Variants in EMX1 observed in about 807,000 individuals in gnomAD.
EMX1 encodes the protein empty spiracles homeobox 1.
EMX1 carries 10 observed loss-of-function variants against 20.1 expected under a neutral mutation model. The observed-to-expected ratio is 0.50, with a 90% CI of 0.31 to 0.84. The LOEUF is 0.84. EMX1 is among the 40% of genes least tolerant of loss of function. The probability of loss-of-function intolerance (pLI) is 0.05; values close to 1 mark genes in which losing one functional copy is unlikely to be tolerated. For synonymous variants in EMX1, 250 were observed against 200.4 expected (o/e 1.25, Z -2.09); for missense variants, 424 against 431.9 (o/e 0.98, Z 0.16).
chr2:72,919,185 A>G, intron 1 of EMX1, among the ~76,000 whole-genome samples: 2 of 148,046 alleles, frequency 1.4e-5, no homozygotes, highest in East Asian at 4.2e-4. Context: ...GGCCCTACAC[A>G]CACACACACA....
In EMX1 at chr2:72,918,241, T is replaced by A. The variant is rs1296919936; in HGVS notation, c.389T>A (p.Val130Glu). Residue 130 changes from valine (V) to glutamate (E), a missense_variant, in exon 1 of 3, where the codon GTG becomes GAG. By Grantham distance (121) the Val-to-Glu change is moderately radical (BLOSUM62 -2). Around this residue, in one of 2 missense-constraint regions of EMX1, gnomAD observed 333 missense variants for 296.6 expected, o/e 1.12. Coordinates refer to ENST00000258106, the MANE Select transcript of EMX1 (RefSeq NM_004097.3). Reference sequence around the variant, plus strand: ...GCCATGAACCACCCCGCGCTGACCGTGCATCCGGCGCACCAGCTGGGCGCC... The same window carrying A: ...GCCATGAACCACCCCGCGCTGACCGAGCATCCGGCGCACCAGCTGGGCGCC... Reference protein sequence around the residue: ...PEAMNHPALTVHPAHQLGASP... With the variant: ...PEAMNHPALTEHPAHQLGASP... The A allele has an allele frequency of 3.8e-6, 6 of 1,581,522 alleles. No homozygotes were observed. Among genetic ancestry groups the A allele is most frequent in the Non-Finnish European group, 5.1e-6 (6 of 1,173,972 alleles).
rs1280698030 is a variant in EMX1, at chr2:72,934,167, G to A, written c.*213G>A. On this transcript the variant is annotated 3_prime_UTR_variant, in exon 3 of 3. Transcript: ENST00000258106. Reference sequence around the variant, plus strand: ...GGGACCACTTGGCCTTCTCCTCGGAGAGCCTGCCTGCCTGGGCGGGCCCGC... The same window carrying A: ...GGGACCACTTGGCCTTCTCCTCGGAAAGCCTGCCTGCCTGGGCGGGCCCGC... 3 of 660,184 alleles carry A rather than the reference G, an allele frequency of 4.5e-6. No homozygotes were observed. Among genetic ancestry groups the A allele is most frequent in the Admixed American group, 3.4e-5 (1 of 29,438 alleles). 40.9% of individuals were successfully genotyped at this position (660,184 alleles called of 1,614,324 possible).
At position 72,934,281 on chromosome 2, in the gene EMX1, C is replaced by A; in HGVS notation, c.*327C>A. The A allele has an allele frequency of 3.5e-6, 1 of 288,322 alleles. No homozygotes were observed. Among genetic ancestry groups the A allele is most frequent in the South Asian group, 5.4e-5 (1 of 18,558 alleles). 17.9% of individuals were successfully genotyped at this position (288,322 alleles called of 1,614,324 possible). A position where few individuals can be genotyped will look rare whatever the true frequency, so the allele number is the denominator to read the frequency against. ...CTGTTTTAATTTATTTTCCAGGCAC[C>A]ACTGTAGTTTAGTGATCCCCAGTGT... On this transcript the variant is annotated 3_prime_UTR_variant, in exon 3 of 3. Coordinates refer to ENST00000258106, the MANE Select transcript of EMX1 (RefSeq NM_004097.3).
intron 1 of EMX1, 71 bp downstream of exon 1, chr2:72,918,443 G>C (rs565656478): frequency 8.2e-6 from 11 of 1,348,562 alleles, no homozygotes; most frequent in African/African-American, 1.5e-5. Context: ...GGGGAGGCTC[G>C]GGGGCGCGCG....
intron 2 of EMX1, 84 bp from the exon 3 acceptor site, chr2:72,933,703 A>G: frequency 1.3e-6 from 2 of 1,531,034 alleles, no homozygotes; most frequent in Non-Finnish European, 1.8e-6. Context: ...TCAGGCTCTC[A>G]GCTCAGCCTG....
At chr2:72,921,893 C>T (rs898006349) in intron 1 of EMX1, among the ~76,000 whole-genome samples, 2 of 152,226 alleles carry the variant, frequency 1.3e-5, no homozygotes, top group African/African-American at 4.8e-5. Context: ...CCTTCATCCT[C>T]TCATCTGGGT....
At chr2:72,932,179 C>T (rs1559061985) in intron 2 of EMX1, among the ~76,000 whole-genome samples, 2 of 152,238 alleles carry the variant, frequency 1.3e-5, no homozygotes, top group South Asian at 2.1e-4. Context: ...GGCTACCCAC[C>T]ATTCCTCACC....
chr2:72,927,052 C>T (rs1671217561), intron 2 of EMX1, among the ~76,000 whole-genome samples: 1 of 152,194 alleles, frequency 6.6e-6, no homozygotes, highest in South Asian at 2.1e-4. Context: ...ATCTGTCCCA[C>T]CCCGTAGCTG....
chr2:72,923,950 AC>A, intron 1 of EMX1: 1 of 378,620 alleles, frequency 2.6e-6, no homozygotes, highest in South Asian at 3.1e-5. Flanking sequence ...AGCGCCATGG[AC>A]TTTTCTTCCC....
At chr2:72,918,430 GCGGGGGA>G in intron 1 of EMX1, 58 bp downstream of exon 1, 1 of 1,351,986 alleles carries the variant, frequency 7.4e-7, no homozygotes, top group Non-Finnish European at 9.4e-7. Context: ...CTGCGGCGAT[GCGGGGGA>G]GGCTCGGGGG....
At chr2:72,920,511 G>C (rs1268138838) in intron 1 of EMX1, among the ~76,000 whole-genome samples, 1 of 152,180 alleles carries the variant, frequency 6.6e-6, no homozygotes, top group Non-Finnish European at 1.5e-5. Flanking sequence ...ACGCCCTCCA[G>C]TCCCGGCCAG....
chr2:72,918,187 A>T lies in EMX1; in HGVS notation c.335A>T (p.Tyr112Phe). The change falls in exon 1 of 3, where the codon TAC becomes TTC. Residue 112 changes from tyrosine (Y) to phenylalanine (F), a missense_variant. Physicochemically the swap from Tyr to Phe is conservative, Grantham distance 22 (BLOSUM62 3). Around this residue, in one of 2 missense-constraint regions of EMX1, gnomAD observed 333 missense variants for 296.6 expected, o/e 1.12. Coordinates refer to ENST00000258106, the MANE Select transcript of EMX1 (RefSeq NM_004097.3). ...GCCGCGGGCGCGGGCCGCTCGCTCTACGGTGGGCCCGAGCTCGTGTTCCCC... is the reference window on the plus strand; with the variant it reads ...GCCGCGGGCGCGGGCCGCTCGCTCTTCGGTGGGCCCGAGCTCGTGTTCCCC... ...AAAAGAGRSL[Y>F]GGPELVFPEA... 1 of 1,548,622 alleles carries T rather than the reference A, an allele frequency of 6.5e-7. No homozygotes were observed. The highest frequency in any genetic ancestry group is 8.6e-7 in the Non-Finnish European group (1 of 1,160,844).
intron 2 of EMX1, 42 bp from the exon 3 acceptor site, chr2:72,933,745 C>T (rs1275876654): frequency 6.2e-7 from 1 of 1,606,570 alleles, no homozygotes; most frequent in Non-Finnish European, 8.5e-7. Context: ...GCTCTGGGGG[C>T]CTCCTGAGTT....
rs1338485472 is a variant in EMX1, at chr2:72,924,509, C to T, written c.705+16C>T. 1 of 1,560,624 alleles carries T rather than the reference C, an allele frequency of 6.4e-7. No homozygotes were observed. The highest frequency in any genetic ancestry group is 8.6e-7 in the Non-Finnish European group (1 of 1,158,322). ...CGAGACGCAGGTAATCACCCCCGGT[C>T]GCGGCCTGCCCTGCGCCCGGAGCCC... On this transcript the variant is annotated intron_variant, in intron 2 of 2. Coordinates refer to ENST00000258106, the MANE Select transcript of EMX1 (RefSeq NM_004097.3).
At chr2:72,919,476 C>A (rs1223926139) in intron 1 of EMX1, among the ~76,000 whole-genome samples, 1 of 152,148 alleles carries the variant, frequency 6.6e-6, no homozygotes, top group East Asian at 1.9e-4. Flanking sequence ...ATGAAAGGGA[C>A]ATGGCTGGAG....
At chr2:72,916,843 C>T (rs775784462), upstream of EMX1, 16 of 717,094 alleles carry the variant, frequency 2.2e-5, no homozygotes, top group Non-Finnish European at 4.2e-5. Context: ...AAGCCGGTCG[C>T]GGCACCGTGT....
chr2:72,916,273 C>A (rs1221361501), upstream of EMX1: 1 of 203,560 alleles, frequency 4.9e-6, no homozygotes. Context: ...TTGCGCGGCG[C>A]ACGGACCCCG....
chr2:72,926,342 A>C, intron 2 of EMX1: 1 of 960,180 alleles, frequency 1.0e-6, no homozygotes. Context: ...TTTCAAACAT[A>C]TATTTAAAAC....
rs947208918 is a variant in EMX1 at position 72,933,695 on chromosome 2, A to T, written c.706-92A>T. Reference sequence around the variant, plus strand: ...CCTATGTAGCCTCAGTCTTCCCATCAGGCTCTCAGCTCAGCCTGAGTGTTG... The same window carrying T: ...CCTATGTAGCCTCAGTCTTCCCATCTGGCTCTCAGCTCAGCCTGAGTGTTG... On this transcript the variant is annotated intron_variant, in intron 2 of 2. Coordinates refer to ENST00000258106, the MANE Select transcript of EMX1 (RefSeq NM_004097.3). The T allele has an allele frequency of 1.4e-5, 21 of 1,502,982 alleles. No homozygotes were observed. The Admixed American group carries it at 3.1e-4, about 22-fold the overall frequency. 93.1% of individuals were successfully genotyped at this position (1,502,982 alleles called of 1,614,324 possible).
Sources: gnomAD v4.1 joint callset for allele counts (sites outside exome capture counted in the v4.1 genomes callset) on GRCh38, gnomAD v4.1.1 for gene constraint, gnomAD v4.1.1 regional missense constraint, MANE v1.5 for transcripts, NCBI Gene and HGNC (gene_info 2026-07-23, HGNC 2026-07-21) for gene names.